ZNF333: variants seen among roughly 807,000 people sequenced by gnomAD.
ZNF333 encodes the protein zinc finger protein 333.
A neutral mutation model predicts 76.1 loss-of-function variants in ZNF333; 61 were observed. The ratio of observed to expected loss-of-function variants is 0.80; its 90% CI spans 0.65 to 0.99. The LOEUF is 0.99. Ranked by LOEUF, ZNF333 falls within the 50% of genes least tolerant of loss-of-function variation. The pLI, the probability that ZNF333 is intolerant of heterozygous loss-of-function variation, is 0.00. For missense variants in ZNF333, 717 were observed against 822.4 expected (o/e 0.87, Z 1.57); for synonymous variants, 284 against 305.0 (o/e 0.93, Z 0.72).
At chr19:14,718,020 T>C (rs7245462) in intron 11 of ZNF333, among the ~76,000 whole-genome samples, 107,273 of 152,114 alleles carry the variant, frequency 0.71, 38,990 homozygotes, top group African/African-American at 0.86. Context: ...TCTAAGAAGC[T>C]GCATGAAAAT....
chr19:14,699,474 T>G, intron 5 of ZNF333, 193 bp downstream of exon 5: 1 of 524,866 alleles, frequency 1.9e-6, no homozygotes, highest in Non-Finnish European at 3.4e-6. Flanking sequence ...ACTTTTTTTT[T>G]TTTTGAGACA....
chr19:14,712,848 G>A (rs1029412289), intron 7 of ZNF333, among the ~76,000 whole-genome samples: 1 of 152,126 alleles, frequency 6.6e-6, no homozygotes, highest in Admixed American at 6.5e-5. Context: ...TTCCAAATAA[G>A]GTCACATTTT....
intron 4 of ZNF333, among the ~76,000 whole-genome samples, chr19:14,698,158 A>G (rs1239083021): frequency 2.0e-5 from 3 of 151,592 alleles, no homozygotes; most frequent in African/African-American, 7.3e-5. Flanking sequence ...GGATCACTTC[A>G]GGTCAGGAGT....
exon 12 of ZNF333, chr19:14,731,476 G>T: frequency 2.4e-6 from 1 of 423,206 alleles, no homozygotes; most frequent in African/African-American, 2.0e-5. Flanking sequence ...TGCAATGACT[G>T]TTAGATGCAG....
At chr19:14,701,746 G>A in intron 5 of ZNF333, 2 of 985,596 alleles carry the variant, frequency 2.0e-6, no homozygotes, top group East Asian at 2.3e-4. Flanking sequence ...GGTGCTGAGA[G>A]TGGCAGGCAT....
chr19:14,730,087 C>G (rs2042658151), intron 11 of ZNF333, among the ~76,000 whole-genome samples: 1 of 152,168 alleles, frequency 6.6e-6, no homozygotes, highest in South Asian at 2.1e-4. Flanking sequence ...GAGTCTCGCT[C>G]TGTCACCCAG....
chr19:14,701,881 G>A, intron 5 of ZNF333: 2 of 985,612 alleles, frequency 2.0e-6, no homozygotes, highest in Non-Finnish European at 2.4e-6. Context: ...AAGACATCCA[G>A]CCCGTGAGTA....
chr19:14,724,487 C>T (rs755971423), downstream of ZNF333, among the ~76,000 whole-genome samples: 33 of 152,238 alleles, frequency 2.2e-4, no homozygotes, highest in Admixed American at 3.3e-4. Flanking sequence ...TTGTTTAAGC[C>T]GGGCGCAGTG....
rs749918076 is a variant in ZNF333 at position 14,719,348 on chromosome 19, A to T, written c.*23A>T. 1.9e-6 allele frequency: 3 copies of T among 1,576,178 alleles called. No homozygotes were observed. The highest frequency in any genetic ancestry group is 2.6e-6 in the Non-Finnish European group (3 of 1,162,630). On this transcript the variant is annotated 3_prime_UTR_variant, in exon 12 of 12. Transcript: ENST00000292530. ...TAACTTCCATTTTGTAAAAATATAA[A>T]CACATGGGGCTATGACTTTCCCTCG...
chr19:14,718,399 A>G lies in ZNF333; in HGVS notation c.1072A>G (p.Lys358Glu). The change falls in exon 12 of 12, where the codon AAA (lysine) becomes GAA (glutamate). Residue 358 changes from lysine (K) to glutamate (E), a missense_variant. Transcript: ENST00000292530. ...FQSAHLIVPE[K>E]IRSGDKSYAC... ...GAGTGCCCACCTAATTGTGCCCGAGAAAATCCGTAGTGGGGATAAATCCTA... is the reference window on the plus strand; with the variant it reads ...GAGTGCCCACCTAATTGTGCCCGAGGAAATCCGTAGTGGGGATAAATCCTA... The G allele has an allele frequency of 6.2e-7, 1 of 1,614,214 alleles. No homozygotes were observed. Among genetic ancestry groups the G allele is most frequent in the Non-Finnish European group, 8.5e-7 (1 of 1,180,040 alleles).
chr19:14,713,578 C>T (rs940747452), intron 7 of ZNF333, among the ~76,000 whole-genome samples: 2 of 151,978 alleles, frequency 1.3e-5, no homozygotes, highest in Non-Finnish European at 2.9e-5. Context: ...CCTGTGGACG[C>T]CAGCAACATG....
At chr19:14,725,392 A>G (rs1400895934), downstream of ZNF333, among the ~76,000 whole-genome samples, 5 of 152,218 alleles carry the variant, frequency 3.3e-5, no homozygotes, top group African/African-American at 7.2e-5. Flanking sequence ...TTAAATCTCA[A>G]TACCTTCTCA....
intron 7 of ZNF333, among the ~76,000 whole-genome samples, chr19:14,712,732 C>G (rs1247940756): frequency 6.6e-6 from 1 of 152,068 alleles, no homozygotes; most frequent in East Asian, 1.9e-4. Flanking sequence ...TGTGTCACCT[C>G]TGTGTATCTG....
At chr19:14,722,685 C>T (rs941052994), downstream of ZNF333, among the ~76,000 whole-genome samples, 2 of 152,122 alleles carry the variant, frequency 1.3e-5, no homozygotes, top group Non-Finnish European at 2.9e-5. Context: ...AATCTAATGT[C>T]GTGAGGCTTA....
At chr19:14,693,606 G>T in intron 2 of ZNF333, 112 bp downstream of exon 2, 1 of 1,339,160 alleles carries the variant, frequency 7.5e-7, no homozygotes. Context: ...GGAAGAAAGG[G>T]AAGGGTGAGT....
intron 2 of ZNF333, among the ~76,000 whole-genome samples, chr19:14,694,077 C>G (rs1294444271): frequency 2.0e-5 from 3 of 151,924 alleles, no homozygotes; most frequent in Non-Finnish European, 4.4e-5. Flanking sequence ...GCCACATGTG[C>G]TGGTAGCCCC....
At chr19:14,708,003 TC>T in intron 7 of ZNF333, 1 of 400,516 alleles carries the variant, frequency 2.5e-6, no homozygotes, top group Non-Finnish European at 4.4e-6. Flanking sequence ...TGTTACTTCT[TC>T]TTTTTTTATT....
At chr19:14,707,713 G>A (rs373018624) in intron 7 of ZNF333, among the ~76,000 whole-genome samples, 30 of 150,966 alleles carry the variant, frequency 2.0e-4, no homozygotes, top group East Asian at 5.9e-4. Flanking sequence ...CACCACGCCC[G>A]GCTAATTTTT....
intron 5 of ZNF333, among the ~76,000 whole-genome samples, chr19:14,702,054 C>T (rs1242807451): frequency 6.6e-6 from 1 of 152,214 alleles, no homozygotes; most frequent in East Asian, 1.9e-4. Context: ...ATCATTGTGC[C>T]TTGTCACAAT....
Sources: allele counts gnomAD v4.1 joint callset (sites outside exome capture counted in the v4.1 genomes callset), GRCh38; gene constraint gnomAD v4.1.1; transcripts MANE v1.5; gene names NCBI Gene and HGNC (gene_info 2026-07-23, HGNC 2026-07-21).